IFT88: variants seen among roughly 807,000 people sequenced by gnomAD.
IFT88 encodes the protein intraflagellar transport 88.
Under a neutral mutation model 119.5 loss-of-function variants are expected in IFT88, and 74 were observed. That is an observed-to-expected ratio of 0.62 (90% CI 0.51 to 0.75). IFT88 has a LOEUF of 0.75. IFT88 is among the 30% of genes least tolerant of loss of function. The pLI is 0.00. For synonymous variants in IFT88, 279 were observed against 316.7 expected (o/e 0.88, Z 1.26); for missense variants, 961 against 977.7 (o/e 0.98, Z 0.23).
chr13:20,571,797 A>T (rs2036411764), intron 1 of IFT88, among the ~76,000 whole-genome samples: 1 of 152,194 alleles, frequency 6.6e-6, no homozygotes, highest in Non-Finnish European at 1.5e-5. Flanking sequence ...GGGCACAATT[A>T]GTCCTATATT....
chr13:20,600,211 A>G lies in IFT88; in HGVS notation c.812+646A>G, dbSNP rs578115742. ...CATTATCATTAGCAAATATTATCTA[A>G]CTTACAGAACACAATGCCCTTGAAG... On this transcript the variant is annotated intron_variant, in intron 11 of 25. Coordinates refer to ENST00000351808, the MANE Select transcript of IFT88 (RefSeq NM_006531.5). 2.6e-5 allele frequency among the ~76,000 whole-genome samples: 4 copies of G among 152,282 alleles called. No homozygotes were observed. The South Asian group carries it at 8.3e-4, about 32-fold the overall frequency.
intron 24 of IFT88, among the ~76,000 whole-genome samples, chr13:20,674,903 T>G (rs896917439): frequency 2.0e-5 from 3 of 151,230 alleles, no homozygotes; most frequent in African/African-American, 7.3e-5. Context: ...TTAGTAGAGA[T>G]GGGGTTTCAC....
At chr13:20,633,624 G>A (rs1020688797) in intron 16 of IFT88, among the ~76,000 whole-genome samples, 2 of 152,168 alleles carry the variant, frequency 1.3e-5, no homozygotes, top group African/African-American at 2.4e-5. Flanking sequence ...TGACGACTGT[G>A]CAGGAGGAGA....
intron 1 of IFT88, among the ~76,000 whole-genome samples, chr13:20,568,525 C>T (rs1488200877): frequency 6.6e-6 from 1 of 152,216 alleles, no homozygotes; most frequent in African/African-American, 2.4e-5. Context: ...CCTTCTATAA[C>T]TTATGTGTCA....
At chr13:20,587,698 A>G (rs1022204975) in intron 3 of IFT88, among the ~76,000 whole-genome samples, 1 of 152,224 alleles carries the variant, frequency 6.6e-6, no homozygotes, top group African/African-American at 2.4e-5. Context: ...ACTGAGCCTT[A>G]TATTGTTATG....
intron 24 of IFT88, among the ~76,000 whole-genome samples, chr13:20,681,857 G>A (rs1312898809): frequency 6.6e-6 from 1 of 152,174 alleles, no homozygotes; most frequent in Non-Finnish European, 1.5e-5. Flanking sequence ...TGAAGTATAG[G>A]GCGTCTGGAA....
Position 20,598,642 on chromosome 13 carries a change from CT to C in IFT88, c.595-7del. On this transcript the variant is annotated splice_region_variant and splice_polypyrimidine_tract_variant and intron_variant, in intron 9 of 25. Coordinates refer to ENST00000351808, the MANE Select transcript of IFT88 (RefSeq NM_006531.5). Reference sequence around the variant, plus strand: ...TTATGTGTCTTTTCTATAATATTTTCTTCCTTAGGTTCTTTTCAATTTGGCC... The same window carrying C: ...TTATGTGTCTTTTCTATAATATTTTCTCCTTAGGTTCTTTTCAATTTGGCC... 6.4e-7 allele frequency: 1 copy of C among 1,569,538 alleles called. No individual in the cohort carries two copies. The highest frequency in any genetic ancestry group is 8.8e-7 in the Non-Finnish European group (1 of 1,141,256).
chr13:20,604,280 T>C (rs528546959), intron 12 of IFT88, among the ~76,000 whole-genome samples: 12 of 152,188 alleles, frequency 7.9e-5, no homozygotes, highest in East Asian at 1.9e-4. Flanking sequence ...ATGTGAAAGA[T>C]AGTTAAGTGC....
At chr13:20,683,589 A>G (rs2057559452) in intron 24 of IFT88, among the ~76,000 whole-genome samples, 2 of 152,206 alleles carry the variant, frequency 1.3e-5, no homozygotes, top group Admixed American at 1.3e-4. Flanking sequence ...CAACTCTGTT[A>G]AATTGAGTGG....
At position 20,598,680 on chromosome 13, in the gene IFT88, A is replaced by C; in HGVS notation, c.624A>C (p.Ser208=). The change falls in exon 10 of 26, where the codon TCA becomes TCC. Residue 208 remains serine, a synonymous_variant. Transcript: ENST00000351808. ...SVLFNLASQY[S]VNEMYAEALN... ...TTTTCAATTTGGCCAGTCAGTATTCAGTTAATGAAATGTATGCCGAAGCAC... is the reference window on the plus strand; with the variant it reads ...TTTTCAATTTGGCCAGTCAGTATTCCGTTAATGAAATGTATGCCGAAGCAC... 6.2e-7 allele frequency: 1 copy of C among 1,611,020 alleles called. No individual in the cohort carries two copies. The highest frequency in any genetic ancestry group is 1.1e-5 in the South Asian group (1 of 90,948).
intron 16 of IFT88, among the ~76,000 whole-genome samples, chr13:20,637,879 G>A (rs2049259643): frequency 6.6e-6 from 1 of 152,194 alleles, no homozygotes; most frequent in South Asian, 2.1e-4. Context: ...CGTGAATGAT[G>A]GCAAGGCCCT....
chr13:20,584,082 T>G (rs957817011), intron 3 of IFT88, among the ~76,000 whole-genome samples: 7 of 152,168 alleles, frequency 4.6e-5, no homozygotes, highest in African/African-American at 1.7e-4. Context: ...AACTTTGTTC[T>G]TTTTCACAGT....
intron 13 of IFT88, chr13:20,607,954 G>C: frequency 3.2e-6 from 2 of 626,026 alleles, no homozygotes; most frequent in Non-Finnish European, 6.1e-6. Context: ...AAACCAGCAA[G>C]TCAGGAAGCA....
chr13:20,632,865 T>C (rs2048410339), intron 16 of IFT88, among the ~76,000 whole-genome samples: 1 of 152,228 alleles, frequency 6.6e-6, no homozygotes, highest in African/African-American at 2.4e-5. Context: ...TTAAACCAAG[T>C]TTCTAGTCCC....
chr13:20,595,732 C>T (rs1349154794), intron 7 of IFT88, among the ~76,000 whole-genome samples: 1 of 152,040 alleles, frequency 6.6e-6, no homozygotes, highest in Non-Finnish European at 1.5e-5. Context: ...TTTAAATGCA[C>T]ATTGTTCAAT....
At chr13:20,585,419 G>A (rs7334222) in intron 3 of IFT88, among the ~76,000 whole-genome samples, 127,152 of 152,216 alleles carry the variant, frequency 0.84, 53,450 homozygotes, top group East Asian at 1. Context: ...GCTTCTGATT[G>A]TCCTCTCCCT....
intron 3 of IFT88, among the ~76,000 whole-genome samples, chr13:20,584,739 T>C (rs757242154): frequency 6.6e-6 from 1 of 152,198 alleles, no homozygotes; most frequent in Non-Finnish European, 1.5e-5. Flanking sequence ...GAAAGTTCTA[T>C]CCCTAATGTT....
chr13:20,638,354 G>A lies in IFT88; in HGVS notation c.1409G>A (p.Ser470Asn). Residue 470 changes from serine to asparagine, a missense_variant, in exon 17 of 26, where the codon AGC (serine) becomes AAC (asparagine). Transcript: ENST00000351808. ...YYMGKDFAQA[S>N]SYADIAVNSD... ...TAGGGAAAGGATTTTGCACAAGCCAGCAGCTATGCAGATATAGCTGTGAAC... is the reference window on the plus strand; with the variant it reads ...TAGGGAAAGGATTTTGCACAAGCCAACAGCTATGCAGATATAGCTGTGAAC... 2 of 1,384,030 alleles carry A rather than the reference G, an allele frequency of 1.4e-6. No homozygotes were observed. The highest frequency in any genetic ancestry group is 1.9e-6 in the Non-Finnish European group (2 of 1,060,834). The allele number at this position is 1,384,030 out of a possible 1,614,324, so 85.7% of individuals were successfully genotyped here.
intron 2 of IFT88, among the ~76,000 whole-genome samples, chr13:20,582,687 C>T (rs1408980427): frequency 6.6e-6 from 1 of 152,018 alleles, no homozygotes; most frequent in African/African-American, 2.4e-5. Context: ...ATGTTTCAAC[C>T]CGGCACTGTG....
Sources: allele counts gnomAD v4.1 joint callset (sites outside exome capture counted in the v4.1 genomes callset), GRCh38; gene constraint gnomAD v4.1.1; transcripts MANE v1.5; gene names NCBI Gene and HGNC (gene_info 2026-07-23, HGNC 2026-07-21).